Variants in PPIE observed in about 807,000 individuals in gnomAD.
PPIE encodes peptidyl-prolyl cis-trans isomerase E.
A neutral mutation model predicts 38.4 loss-of-function variants in PPIE; 20 were observed. The ratio of observed to expected loss-of-function variants is 0.52; its 90% CI spans 0.37 to 0.76. The LOEUF (loss-of-function observed/expected upper bound fraction) is 0.76. Among genes scored for constraint, PPIE ranks in the 30% least tolerant of loss-of-function variants. PPIE has a pLI of 0.00. For missense variants in PPIE, 322 were observed against 385.8 expected, an observed-to-expected ratio of 0.83 and a Z score of 1.39; for synonymous variants, 142 against 135.7, an observed-to-expected ratio of 1.05 and a Z score of -0.32.
intron 8 of PPIE, among the ~76,000 whole-genome samples, chr1:39,750,398 C>G (rs143751601): frequency 6.6e-6 from 1 of 152,304 alleles, no homozygotes; most frequent in African/African-American, 2.4e-5. Flanking sequence ...TCCCACCTCC[C>G]AGGAGCATTT....
At chr1:39,741,689 T>C in intron 3 of PPIE, 1 of 634,050 alleles carries the variant, frequency 1.6e-6, no homozygotes, top group Admixed American at 2.9e-5. Context: ...AGTGATTATT[T>C]CTTGTGCCTT....
In PPIE at chr1:39,756,243, C is replaced by T; in HGVS notation, c.*2888C>T. 1 of 985,480 alleles carries T rather than the reference C, an allele frequency of 1.0e-6. No individual in the cohort carries two copies. The highest frequency in any genetic ancestry group is 1.2e-6 in the Non-Finnish European group (1 of 829,940). 61.0% of individuals were successfully genotyped at this position (985,480 alleles called of 1,614,324 possible). On this transcript the variant is annotated 3_prime_UTR_variant, in exon 10 of 10. Coordinates refer to ENST00000324379, the MANE Select transcript of PPIE (RefSeq NM_006112.4). ...GCGTCCTTTCCTGCAGCCTGGAGAG[C>T]AAAGCGGCTTTCCCTGGGACTGTGT...
chr1:39,753,598 A>G lies in PPIE; in HGVS notation c.*243A>G, dbSNP rs994707140. 5 of 1,350,502 alleles carry G rather than the reference A, an allele frequency of 3.7e-6. No individual in the cohort carries two copies. The highest frequency in any genetic ancestry group is 3.6e-5 in the Admixed American group (1 of 28,038). 83.7% of individuals were successfully genotyped at this position (1,350,502 alleles called of 1,614,324 possible). On this transcript the variant is annotated 3_prime_UTR_variant, in exon 10 of 10. Coordinates refer to ENST00000324379, the MANE Select transcript of PPIE (RefSeq NM_006112.4). ...CCCCTCCACCATGGGCAGGCTGTGC[A>G]AAAAGCCACTGGCTTTTCTCAGCAT...
chr1:39,751,168 A>C (rs1289420021), intron 8 of PPIE, among the ~76,000 whole-genome samples: 3 of 152,266 alleles, frequency 2.0e-5, no homozygotes, highest in Non-Finnish European at 4.4e-5. Context: ...AAAGTTGATT[A>C]GAGTCCAAAG....
chr1:39,763,009 T>A, intron 9 of PPIE: 1 of 1,528,962 alleles, frequency 6.5e-7, no homozygotes, highest in South Asian at 1.1e-5. Context: ...GTGGCCTCAC[T>A]GCCCTCCCAG....
chr1:39,740,288 G>A, intron 2 of PPIE, 25 bp downstream of exon 2: 1 of 1,564,110 alleles, frequency 6.4e-7, no homozygotes, highest in Non-Finnish European at 8.8e-7. Flanking sequence ...CTCACGTTCA[G>A]AATCCTCTTA....
intron 4 of PPIE, chr1:39,742,721 C>T (rs1647093366): frequency 6.6e-6 from 1 of 152,382 alleles, no homozygotes; most frequent in African/African-American, 2.4e-5. Context: ...AGTAATTTCC[C>T]AGTCAGCCTT....
chr1:39,742,022 G>T lies in PPIE; in HGVS notation c.201+101G>T, dbSNP rs1647070818. On this transcript the variant is annotated intron_variant, in intron 4 of 9. Coordinates refer to ENST00000324379, the MANE Select transcript of PPIE (RefSeq NM_006112.4). Reference sequence around the variant, plus strand: ...TCTGGACTTCCAAAGTTACAAGGTTGCATGGGGAGGTAAAAATTCTCACAT... The same window carrying T: ...TCTGGACTTCCAAAGTTACAAGGTTTCATGGGGAGGTAAAAATTCTCACAT... 4 of 1,243,872 alleles carry T rather than the reference G, an allele frequency of 3.2e-6. No homozygotes were observed. The South Asian group carries it at 3.9e-5, about 12-fold the overall frequency. 77.1% of individuals were successfully genotyped at this position (1,243,872 alleles called of 1,614,324 possible).
chr1:39,761,655 G>A (rs11811343), downstream of PPIE, among the ~76,000 whole-genome samples: 5,403 of 152,154 alleles, frequency 0.036, 314 homozygotes, highest in African/African-American at 0.12. Context: ...CTCCCTGCTG[G>A]CCCTGAACCT....
At position 39,743,941 on chromosome 1, in the gene PPIE, T is replaced by C. The variant is rs1424092455; in HGVS notation, c.384+17T>C. On this transcript the variant is annotated intron_variant, in intron 6 of 9. Transcript: ENST00000324379. ...ACCCAGGAGGTGAGAATGAAGCTCC[T>C]GCTTCCAGAGCACAGGCCGGCGCTG... The C allele has an allele frequency of 3.8e-6, 6 of 1,586,386 alleles. No homozygotes were observed. Among genetic ancestry groups the C allele is most frequent in the Non-Finnish European group, 5.2e-6 (6 of 1,158,186 alleles).
At chr1:39,763,787 G>A (rs757020301) in exon 10 of PPIE, 11 of 1,599,906 alleles carry the variant, frequency 6.9e-6, no homozygotes, top group Admixed American at 3.3e-5. Context: ...AGCCGTGGAC[G>A]TCATCTGCAG....
In PPIE at chr1:39,755,928, T is replaced by C; in HGVS notation, c.*2573T>C. 5 of 985,376 alleles carry C rather than the reference T, an allele frequency of 5.1e-6. No homozygotes were observed. Among genetic ancestry groups the C allele is most frequent in the Non-Finnish European group, 6.0e-6 (5 of 829,898 alleles). 61.0% of individuals were successfully genotyped at this position (985,376 alleles called of 1,614,324 possible). On this transcript the variant is annotated 3_prime_UTR_variant, in exon 10 of 10. Transcript: ENST00000324379. ...CCAGCCTGTCTCTCTTCAGTAGTAA[T>C]GGAGTCCTGGGAGGTTTACTAGGCT...
chr1:39,743,392 T>C, intron 5 of PPIE, 95 bp downstream of exon 5: 1 of 1,053,526 alleles, frequency 9.5e-7, no homozygotes, highest in South Asian at 1.3e-5. Flanking sequence ...AGATGCTAAA[T>C]GCTGCTTCCT....
At chr1:39,751,419 G>C (rs1647719348) in intron 8 of PPIE, among the ~76,000 whole-genome samples, 1 of 152,134 alleles carries the variant, frequency 6.6e-6, no homozygotes, top group Non-Finnish European at 1.5e-5. Context: ...GAGTGCAGTG[G>C]TGCAAGACGG....
chr1:39,745,454 G>A lies in PPIE; in HGVS notation c.464G>A (p.Arg155His), dbSNP rs777825153. Residue 155 changes from arginine to histidine, a missense_variant, in exon 7 of 10, where the codon CGC (arginine) becomes CAC (histidine). Transcript: ENST00000324379. ...DIKIGNKPAG[R>H]IQMLLRSDVV... The stretch of plus-strand genomic sequence containing the variant: ...AAGATTGGGAACAAGCCGGCTGGCC[G>A]CATCCAGATGCTCCTGCGTTCTGAT... The A allele has an allele frequency of 7.4e-6, 12 of 1,614,102 alleles. No homozygotes were observed. The highest frequency in any genetic ancestry group is 4.5e-5 in the East Asian group (2 of 44,902).
intron 3 of PPIE, 184 bp downstream of exon 3, chr1:39,741,593 G>A: frequency 1.5e-6 from 1 of 673,654 alleles, no homozygotes; most frequent in Non-Finnish European, 2.5e-6. Context: ...TGAATAACAT[G>A]TCAGACCTGC....
chr1:39,749,895 A>G (rs1482632633), intron 8 of PPIE, among the ~76,000 whole-genome samples: 2 of 152,142 alleles, frequency 1.3e-5, no homozygotes, highest in East Asian at 3.8e-4. Flanking sequence ...GCATTTTGGG[A>G]GGCAGAGGCA....
chr1:39,748,004 C>T (rs1383150656), intron 7 of PPIE: 3 of 152,076 alleles, frequency 2.0e-5, no homozygotes, highest in Non-Finnish European at 4.4e-5. Context: ...GAGAACATGG[C>T]TTACTGTAGC....
At chr1:39,745,526 C>T (rs374637713) in intron 7 of PPIE, 28 bp downstream of exon 7, 18 of 1,613,694 alleles carry the variant, frequency 1.1e-5, no homozygotes, top group South Asian at 3.3e-5. Context: ...GTCAGAACGG[C>T]GGGACGCTGG....
Sources: allele counts gnomAD v4.1 joint callset (sites outside exome capture counted in the v4.1 genomes callset), GRCh38; gene constraint gnomAD v4.1.1; transcripts MANE v1.5; gene names NCBI Gene and HGNC (gene_info 2026-07-23, HGNC 2026-07-21).